B4GALT5: variants seen among roughly 807,000 people sequenced by gnomAD.
B4GALT5 encodes the protein beta-1,4-galactosyltransferase 5.
B4GALT5 carries 11 observed loss-of-function variants against 45.0 expected under a neutral mutation model. The ratio of observed to expected loss-of-function variants is 0.24; its 90% CI spans 0.15 to 0.40. B4GALT5 has a LOEUF of 0.40. B4GALT5 is among the 10% of genes least tolerant of loss of function. The pLI, the probability that B4GALT5 is intolerant of heterozygous loss-of-function variation, is 1.00. For synonymous variants in B4GALT5, 185 were observed against 182.9 expected (o/e 1.01, Z -0.09); for missense variants, 337 against 500.2 (o/e 0.67, Z 3.11).
intron 1 of B4GALT5, among the ~76,000 whole-genome samples, chr20:49,665,440 GTAATAATAA>G (rs71339446): frequency 0.022 from 2,129 of 94,988 alleles, 64 homozygotes; most frequent in African/African-American, 0.067. Flanking sequence ...GGGGGTAGTA[GTAATAATAA>G]TAATAATAAT....
chr20:49,694,411 G>A (rs1438184330), intron 1 of B4GALT5, among the ~76,000 whole-genome samples: 1 of 152,062 alleles, frequency 6.6e-6, no homozygotes, highest in East Asian at 1.9e-4. Flanking sequence ...CAGCACTCTG[G>A]GAGGGCGAGG....
intron 1 of B4GALT5, among the ~76,000 whole-genome samples, chr20:49,701,420 T>C (rs983688245): frequency 6.6e-6 from 1 of 152,180 alleles, no homozygotes; most frequent in African/African-American, 2.4e-5. Flanking sequence ...ACGTTAGATT[T>C]TTCTATTTCC....
chr20:49,701,350 A>G (rs1354940974), intron 1 of B4GALT5, among the ~76,000 whole-genome samples: 1 of 152,204 alleles, frequency 6.6e-6, no homozygotes, highest in Non-Finnish European at 1.5e-5. Context: ...AGAAAAAAAA[A>G]TATGTATCAA....
At chr20:49,647,371 CTCTCA>C (rs2085603528) in intron 2 of B4GALT5, among the ~76,000 whole-genome samples, 1 of 152,148 alleles carries the variant, frequency 6.6e-6, no homozygotes. Context: ...AGTTGCCCTC[CTCTCA>C]TTTCTGTTTT....
intron 1 of B4GALT5, among the ~76,000 whole-genome samples, chr20:49,703,729 A>AAAAAAAATAATAAT (rs1568735771): frequency 7.5e-6 from 1 of 133,782 alleles, no homozygotes; most frequent in African/African-American, 2.8e-5. Context: ...TTTCTACTAA[A>AAAAAAAATAATAAT]AAAAAAAAAA....
Position 49,713,705 on chromosome 20 carries a change from G to A in B4GALT5, c.-15C>T, listed in dbSNP as rs2085931999. The A allele has an allele frequency of 1.6e-5, 21 of 1,319,002 alleles. No individual in the cohort carries two copies. In the East Asian group the frequency reaches 1.8e-4, roughly 11 times the overall value. 81.7% of individuals were successfully genotyped at this position (1,319,002 alleles called of 1,614,324 possible). Reference sequence around the variant, plus strand: ...CGGGCGCGCATGCTGCAGCCAGGCGGCCGCTAGAGAGCCAGGCCGGGCCTG... The same window carrying A: ...CGGGCGCGCATGCTGCAGCCAGGCGACCGCTAGAGAGCCAGGCCGGGCCTG... On this transcript the variant is annotated 5_prime_UTR_variant, in exon 1 of 9. Transcript: ENST00000371711.
chr20:49,664,134 A>G (rs781203097), intron 1 of B4GALT5, among the ~76,000 whole-genome samples: 6 of 152,202 alleles, frequency 3.9e-5, no homozygotes, highest in Non-Finnish European at 8.8e-5. Context: ...AACAACCTAC[A>G]GTTCCAGGCT....
chr20:49,677,035 T>C (rs1306498067), intron 1 of B4GALT5, among the ~76,000 whole-genome samples: 1 of 152,202 alleles, frequency 6.6e-6, no homozygotes, highest in Non-Finnish European at 1.5e-5. Context: ...TGGTGTTTTT[T>C]GTTTTGTTTT....
rs2085602196 is a variant in B4GALT5, at chr20:49,647,065, G to A, written c.264C>T (p.Asp88=). The A allele has an allele frequency of 6.2e-7, 1 of 1,612,994 alleles. No individual in the cohort carries two copies. Among genetic ancestry groups the A allele is most frequent in the Non-Finnish European group, 8.5e-7 (1 of 1,179,132 alleles). ...GCAGGAAGGTTTCACTGTGGTTCAA[G>A]TCAAGAGGATAATCTAGGGAGGTAA... The part of the protein sequence containing the change: ...SSVNDSDYPL[D]LNHSETFLQT... Residue 88 remains aspartate (D), a synonymous_variant, in exon 3 of 9, where the codon GAC becomes GAT. Transcript: ENST00000371711.
At chr20:49,681,925 GTC>G (rs928926857) in intron 1 of B4GALT5, among the ~76,000 whole-genome samples, 10 of 152,096 alleles carry the variant, frequency 6.6e-5, no homozygotes, top group African/African-American at 2.4e-4. Flanking sequence ...GCAAGACCCC[GTC>G]TCTACAAAAA....
At chr20:49,686,066 C>A (rs2085784134) in intron 1 of B4GALT5, among the ~76,000 whole-genome samples, 1 of 152,266 alleles carries the variant, frequency 6.6e-6, no homozygotes, top group East Asian at 1.9e-4. Context: ...GCATTATTAA[C>A]AAGACATTTG....
intron 3 of B4GALT5, among the ~76,000 whole-genome samples, chr20:49,645,601 T>C (rs1315358352): frequency 1.3e-5 from 2 of 151,452 alleles, no homozygotes; most frequent in African/African-American, 4.9e-5. Context: ...ATACAAAAAT[T>C]AGCCAGGCGT....
At chr20:49,651,844 C>T (rs901537306) in intron 2 of B4GALT5, among the ~76,000 whole-genome samples, 27 of 152,156 alleles carry the variant, frequency 1.8e-4, no homozygotes, top group Admixed American at 1.6e-3. Context: ...TTTGGGAGGC[C>T]GAGGTGAGCA....
intron 1 of B4GALT5, among the ~76,000 whole-genome samples, chr20:49,672,330 C>T (rs1338669380): frequency 6.6e-6 from 1 of 152,196 alleles, no homozygotes; most frequent in East Asian, 1.9e-4. Flanking sequence ...CAGAGCCATG[C>T]TTTCCATAAA....
At chr20:49,674,378 C>A (rs1258337141) in intron 1 of B4GALT5, among the ~76,000 whole-genome samples, 3 of 151,960 alleles carry the variant, frequency 2.0e-5, no homozygotes, top group South Asian at 2.1e-4. Flanking sequence ...TAGCAATGTT[C>A]ACATAAGAAG....
At chr20:49,689,551 C>T (rs899880576) in intron 1 of B4GALT5, among the ~76,000 whole-genome samples, 1 of 152,206 alleles carries the variant, frequency 6.6e-6, no homozygotes, top group African/African-American at 2.4e-5. Context: ...CTCCCATATA[C>T]TCACCATCTT....
chr20:49,684,303 C>T (rs1422250811), intron 1 of B4GALT5, among the ~76,000 whole-genome samples: 4 of 152,070 alleles, frequency 2.6e-5, no homozygotes, highest in East Asian at 1.9e-4. Flanking sequence ...TGGCTCATGC[C>T]TCTAATCCCA....
chr20:49,711,133 C>T (rs1188823134), intron 1 of B4GALT5, among the ~76,000 whole-genome samples: 1 of 151,692 alleles, frequency 6.6e-6, no homozygotes, highest in East Asian at 1.9e-4. Context: ...AACTACTCCA[C>T]ATCCTTTTTT....
intron 1 of B4GALT5, among the ~76,000 whole-genome samples, chr20:49,657,787 A>G (rs561907816): frequency 6.6e-6 from 1 of 152,206 alleles, no homozygotes; most frequent in Non-Finnish European, 1.5e-5. Context: ...ATTAGGTTTC[A>G]TCACTATTAA....
Sources: gnomAD v4.1 joint callset for allele counts (sites outside exome capture counted in the v4.1 genomes callset) on GRCh38, gnomAD v4.1.1 for gene constraint, MANE v1.5 for transcripts, NCBI Gene and HGNC (gene_info 2026-07-23, HGNC 2026-07-21) for gene names.